Variants in CDCA3 observed in about 807,000 individuals in gnomAD.
CDCA3 encodes cell division cycle associated 3, also known as cell division cycle-associated protein 3.
A neutral mutation model predicts 29.1 loss-of-function variants in CDCA3; 16 were observed. The observed-to-expected ratio is 0.55, with a 90% CI of 0.37 to 0.83. The LOEUF is 0.83. Among genes scored for constraint, CDCA3 ranks in the 40% least tolerant of loss-of-function variants. The pLI, the probability that CDCA3 is intolerant of heterozygous loss-of-function variation, is 0.00. For missense variants in CDCA3, 291 were observed against 327.2 expected (o/e 0.89, Z 0.85); for synonymous variants, 88 against 124.5 (o/e 0.71, Z 1.95).
Position 6,849,689 on chromosome 12 carries a change from G to A in CDCA3, c.420C>T (p.Asn140=). 2 of 1,614,106 alleles carry A rather than the reference G, an allele frequency of 1.2e-6. No homozygotes were observed. The highest frequency in any genetic ancestry group is 1.7e-6 in the Non-Finnish European group (2 of 1,180,002). Residue 140 remains asparagine, a synonymous_variant, in exon 4 of 6, where the codon AAC becomes AAT. Transcript: ENST00000538862. The surrounding 1 kb of genome is among the most constrained non-coding windows in gnomAD (Gnocchi z 5.2). The stretch of plus-strand genomic sequence containing the variant: ...CCTGTTTGGAGGGGAACTCAGTCTG[G>A]TTCCAAGGTGGCATCTGTTCCTCAA... ...LSVEEQMPPW[N]QTEFPSKQVF...
downstream of CDCA3, chr12:6,846,649 A>T (rs1943706762): frequency 1.6e-6 from 1 of 615,746 alleles, no homozygotes; most frequent in Non-Finnish European, 3.0e-6. Context: ...ACACCCACAC[A>T]TGCATACACA....
At chr12:6,846,543 A>T (rs988457013), downstream of CDCA3, 1 of 386,676 alleles carries the variant, frequency 2.6e-6, no homozygotes, top group Non-Finnish European at 4.7e-6. Context: ...ATCCTCTTTC[A>T]GTCTCTTAGC....
chr12:6,846,955 G>A (rs140282923), downstream of CDCA3: 17 of 947,652 alleles, frequency 1.8e-5, no homozygotes, highest in Middle Eastern at 5.0e-4. Flanking sequence ...CCCCCTGCCC[G>A]ACCCCATCTC....
chr12:6,848,781 C>T, downstream of CDCA3: 1 of 474,562 alleles, frequency 2.1e-6, no homozygotes, highest in Non-Finnish European at 3.7e-6. Flanking sequence ...CGCAAGCTCT[C>T]TAGGCCGCCA....
At position 6,849,097 on chromosome 12, in the gene CDCA3, C is replaced by G; in HGVS notation, c.753G>C (p.Glu251Asp). ...TTTCCTTGTCATGGTCCTGGCCTTG[C>G]TCCCATGCTCGTCCTCCAGTTTTCA... ...RLLKTGGRAW[E>D]QGQDHDKENQ... The change falls in exon 6 of 6, where the codon GAG becomes GAC. Residue 251 changes from glutamate (E) to aspartate (D), a missense_variant. Transcript: ENST00000538862. The surrounding 1 kb of genome is among the most constrained non-coding windows in gnomAD (Gnocchi z 5.2). 1 of 1,452,792 alleles carries G rather than the reference C, an allele frequency of 6.9e-7. No individual in the cohort carries two copies. The highest frequency in any genetic ancestry group is 9.7e-7 in the Non-Finnish European group (1 of 1,032,698). The allele number at this position is 1,452,792 out of a possible 1,614,324, so 90.0% of individuals were successfully genotyped here.
rs1943826957 is a variant in CDCA3 at position 6,850,450 on chromosome 12, C to T, written c.250+17G>A. The T allele has an allele frequency of 1.9e-6, 3 of 1,613,934 alleles. No individual in the cohort carries two copies. Among genetic ancestry groups the T allele is most frequent in the Non-Finnish European group, 2.5e-6 (3 of 1,179,980 alleles). On this transcript the variant is annotated intron_variant, in intron 3 of 5. Coordinates refer to ENST00000538862, the MANE Select transcript of CDCA3 (RefSeq NM_031299.7). This position sits in a 1 kb window ranked among gnomAD's most constrained non-coding sequence, Gnocchi z 4.7. ...TAGATGACAGCTTCATCAGCATTCC[C>T]TGGGCCCAACGCTTACCTCCACTGC...
chr12:6,851,232 T>C lies in CDCA3; in HGVS notation c.-68A>G. On this transcript the variant is annotated 5_prime_UTR_variant, in exon 1 of 6. Coordinates refer to ENST00000538862, the MANE Select transcript of CDCA3 (RefSeq NM_031299.7). ...ATTCAAATCACTTACCGGGCCCCAA[T>C]TCCACCTCTGGATGCACAACAGCTC... The C allele has an allele frequency of 6.0e-6, 7 of 1,165,930 alleles. No individual in the cohort carries two copies. Among genetic ancestry groups the C allele is most frequent in the Non-Finnish European group, 7.4e-6 (7 of 940,128 alleles). The allele number at this position is 1,165,930 out of a possible 1,614,324, so 72.2% of individuals were successfully genotyped here.
rs1490243174 is a variant in CDCA3, at chr12:6,850,357, A to G, written c.250+110T>C. On this transcript the variant is annotated intron_variant, in intron 3 of 5. Coordinates refer to ENST00000538862, the MANE Select transcript of CDCA3 (RefSeq NM_031299.7). The surrounding 1 kb of genome is among the most constrained non-coding windows in gnomAD (Gnocchi z 4.7). ...TGAGATAAGAGTGAGATGGGTCCGA[A>G]GCAGGAGGATAGAGGCCCCTTTAAG... is the stretch of plus-strand genomic sequence containing the variant. 3 of 1,389,044 alleles carry G rather than the reference A, an allele frequency of 2.2e-6. No individual in the cohort carries two copies. The highest frequency in any genetic ancestry group is 3.0e-6 in the Non-Finnish European group (3 of 997,168). 86.0% of individuals were successfully genotyped at this position (1,389,044 alleles called of 1,614,324 possible).
chr12:6,847,104 T>A (rs2137996844), downstream of CDCA3: 1 of 556,262 alleles, frequency 1.8e-6, no homozygotes, highest in East Asian at 2.9e-5. Context: ...TCTCCTCCCA[T>A]GGCCTTCCCT....
chr12:6,847,952 C>T (rs914153651), downstream of CDCA3: 1 of 152,230 alleles, frequency 6.6e-6, no homozygotes, highest in Non-Finnish European at 1.5e-5. Flanking sequence ...TGCCTGTAAT[C>T]GCAGAGCCTT....
Position 6,849,268 on chromosome 12 carries a change from TC to T in CDCA3, c.651+54del. ...GAGGGAAGATCTGGGTAAAAGGGTC[TC>T]CCACCCTCTACGTTGGATATCCTAG... is the stretch of plus-strand genomic sequence containing the variant. On this transcript the variant is annotated intron_variant, in intron 5 of 5. Transcript: ENST00000538862. This position sits in a 1 kb window ranked among gnomAD's most constrained non-coding sequence, Gnocchi z 5.2. 1.9e-6 allele frequency: 3 copies of T among 1,602,456 alleles called. No homozygotes were observed. The highest frequency in any genetic ancestry group is 1.7e-5 in the Admixed American group (1 of 59,258).
chr12:6,851,210 C>T lies in CDCA3; in HGVS notation c.-58+12G>A. 1 of 1,283,654 alleles carries T rather than the reference C, an allele frequency of 7.8e-7. No homozygotes were observed. The highest frequency in any genetic ancestry group is 9.9e-7 in the Non-Finnish European group (1 of 1,014,448). The allele number at this position is 1,283,654 out of a possible 1,614,324, so 79.5% of individuals were successfully genotyped here. On this transcript the variant is annotated intron_variant, in intron 1 of 5. Coordinates refer to ENST00000538862, the MANE Select transcript of CDCA3 (RefSeq NM_031299.7). ...CCTCTAACTTATTTATTAAATTATT[C>T]AAATCACTTACCGGGCCCCAATTCC...
In CDCA3 at chr12:6,849,617, G is replaced by A; in HGVS notation, c.492C>T (p.Ala164=). 1 of 1,613,952 alleles carries A rather than the reference G, an allele frequency of 6.2e-7. No homozygotes were observed. The highest frequency in any genetic ancestry group is 1.1e-5 in the South Asian group (1 of 91,060). ...EARQPTETPV[A]SQSSDKPSRD... ...TTGAGGGCTTGTCGGAGCTCTGGCT[G>A]GCCACAGGGGTTTCTGTGGGCTGTC... Residue 164 remains alanine, a synonymous_variant, in exon 4 of 6, where the codon GCC becomes GCT. Transcript: ENST00000538862. The surrounding 1 kb of genome is among the most constrained non-coding windows in gnomAD (Gnocchi z 5.2).
chr12:6,847,864 A>G (rs147843468), downstream of CDCA3, among the ~76,000 whole-genome samples: 48 of 152,322 alleles, frequency 3.2e-4, no homozygotes, highest in African/African-American at 1.2e-3. Context: ...AAGAAATGCA[A>G]GAGCGACAGG....
chr12:6,849,102 A>G lies in CDCA3; in HGVS notation c.748T>C (p.Trp250Arg). The G allele has an allele frequency of 6.7e-7, 1 of 1,494,422 alleles. No individual in the cohort carries two copies. The highest frequency in any genetic ancestry group is 9.3e-7 in the Non-Finnish European group (1 of 1,070,744). 92.6% of individuals were successfully genotyped at this position (1,494,422 alleles called of 1,614,324 possible). A position where few individuals can be genotyped will look rare whatever the true frequency, so the allele number is the denominator to read the frequency against. ...TTGTCATGGTCCTGGCCTTGCTCCCATGCTCGTCCTCCAGTTTTCAGAAGT... is the reference window on the plus strand; with the variant it reads ...TTGTCATGGTCCTGGCCTTGCTCCCGTGCTCGTCCTCCAGTTTTCAGAAGT... ...GRLLKTGGRAWEQGQDHDKEN... is the reference protein window; with the variant it reads ...GRLLKTGGRAREQGQDHDKEN... The change falls in exon 6 of 6, where the codon TGG becomes CGG. Residue 250 changes from tryptophan (W) to arginine (R), a missense_variant. Trp to Arg is a moderately radical substitution (Grantham distance 101). Transcript: ENST00000538862. The surrounding 1 kb of genome is among the most constrained non-coding windows in gnomAD (Gnocchi z 5.2).
chr12:6,848,914 T>A lies in CDCA3; in HGVS notation c.*129A>T. On this transcript the variant is annotated 3_prime_UTR_variant, in exon 6 of 6. Coordinates refer to ENST00000538862, the MANE Select transcript of CDCA3 (RefSeq NM_031299.7). Reference sequence around the variant, plus strand: ...AAAGAAAGCCCAATAAAGCTGTGAGTCCCAGTTTGGTAGCTGAGGAGGAGT... The same window carrying A: ...AAAGAAAGCCCAATAAAGCTGTGAGACCCAGTTTGGTAGCTGAGGAGGAGT... The A allele has an allele frequency of 1.7e-6, 1 of 603,756 alleles. No homozygotes were observed. The highest frequency in any genetic ancestry group is 2.8e-5 in the East Asian group (1 of 35,634). 37.4% of individuals were successfully genotyped at this position (603,756 alleles called of 1,614,324 possible). A position where few individuals can be genotyped will look rare whatever the true frequency, so the allele number is the denominator to read the frequency against.
downstream of CDCA3, chr12:6,846,280 C>G (rs2137993637): frequency 5.9e-6 from 1 of 170,670 alleles, no homozygotes; most frequent in South Asian, 1.6e-4. Context: ...TAACACTGGC[C>G]AGGGGCAGAA....
rs782618257 is a variant in CDCA3 at position 6,850,586 on chromosome 12, G to T, written c.131C>A (p.Ser44Tyr). The change falls in exon 3 of 6, where the codon TCT (serine) becomes TAT (tyrosine). Residue 44 changes from serine (S) to tyrosine (Y), a missense_variant. Transcript: ENST00000538862. The surrounding 1 kb of genome is among the most constrained non-coding windows in gnomAD (Gnocchi z 4.7). Reference protein sequence around the residue: ...ILRTPIQVESSPQPGLPAGEQ... With the variant: ...ILRTPIQVESYPQPGLPAGEQ... ...CCCTGCTGGTAGGCCTGGCTGTGGA[G>T]AGCTCTCCACCTGTCAAGACCATAG... 4 of 1,613,958 alleles carry T rather than the reference G, an allele frequency of 2.5e-6. No homozygotes were observed. The East Asian group carries it at 8.9e-5, about 36-fold the overall frequency.
chr12:6,848,298 G>A (rs1555125247), downstream of CDCA3: 1 of 152,400 alleles, frequency 6.6e-6, no homozygotes, highest in African/African-American at 2.4e-5. Flanking sequence ...GCTGCAGTGA[G>A]CTGTGATCGT....
Sources: gnomAD v4.1 joint callset for allele counts (sites outside exome capture counted in the v4.1 genomes callset) on GRCh38, gnomAD v4.1.1 for gene constraint, Gnocchi (gnomAD v3.1) non-coding constraint, MANE v1.5 for transcripts, NCBI Gene and HGNC (gene_info 2026-07-23, HGNC 2026-07-21) for gene names.